The following MIAT variants were observed in gnomAD, a reference collection of about 807,000 sequenced individuals.
MIAT encodes the protein MI related novel mRNA.
At chr22:26,668,143 T>A (rs554216569) in intron 5 of MIAT, 2 of 398,642 alleles carry the variant, frequency 5.0e-6, no homozygotes, top group East Asian at 7.1e-5. Context: ...CCTCACTCGC[T>A]GTCTTCTCCC....
chr22:26,670,980 G>T (rs1278035895), downstream of MIAT: 12 of 398,134 alleles, frequency 3.0e-5, no homozygotes, highest in African/African-American at 2.1e-4. Context: ...TTTTCTAATG[G>T]TGGGAGGGCA....
chr22:26,666,122 G>C, exon 4 of MIAT: 2 of 398,626 alleles, frequency 5.0e-6, no homozygotes, highest in Non-Finnish European at 8.8e-6. Context: ...CCCACTCCCG[G>C]GTGCTGACAG....
At chr22:26,659,025 G>A (rs35778551) in intron 2 of MIAT, among the ~76,000 whole-genome samples, 28,120 of 152,102 alleles carry the variant, frequency 0.18, 2,708 homozygotes, top group East Asian at 0.24. Context: ...ACCTGAGGAC[G>A]GTGGTTCTCA....
At chr22:26,670,504 C>T (rs1931003749), downstream of MIAT, 3 of 385,744 alleles carry the variant, frequency 7.8e-6, no homozygotes, top group African/African-American at 6.4e-5. Flanking sequence ...CAAGCTGTAC[C>T]AAACAGGGCC....
intron 2 of MIAT, among the ~76,000 whole-genome samples, chr22:26,661,602 CAG>C (rs1930664442): frequency 6.6e-6 from 1 of 152,028 alleles, no homozygotes; most frequent in South Asian, 2.1e-4. Context: ...GAAACAGGCT[CAG>C]AGAGGTGAAG....
downstream of MIAT, chr22:26,674,254 C>T (rs1415630814): frequency 1.0e-5 from 4 of 398,456 alleles, no homozygotes; most frequent in East Asian, 7.1e-5. Flanking sequence ...TTAGCTGCAC[C>T]GAGGAAACGG....
intron 2 of MIAT, chr22:26,658,393 T>C (rs1448976836): frequency 6.6e-6 from 1 of 152,190 alleles, no homozygotes; most frequent in Non-Finnish European, 1.5e-5. Flanking sequence ...GAGAGGGTTA[T>C]CGACACCTCC....
chr22:26,663,607 G>A (rs1930745266), intron 3 of MIAT: 1 of 384,076 alleles, frequency 2.6e-6, no homozygotes, highest in African/African-American at 2.1e-5. Flanking sequence ...GTGGCCTAGT[G>A]AAAGCTGAGA....
intron 2 of MIAT, among the ~76,000 whole-genome samples, chr22:26,655,691 A>G (rs991191430): frequency 6.6e-5 from 10 of 152,182 alleles, no homozygotes; most frequent in African/African-American, 2.4e-4. Context: ...TCTGGTTCTG[A>G]AGGTCGCTGG....
intron 2 of MIAT, among the ~76,000 whole-genome samples, chr22:26,662,633 G>A (rs1930714573): frequency 1.3e-5 from 2 of 152,182 alleles, no homozygotes; most frequent in African/African-American, 4.8e-5. Context: ...TGCGAGGCGC[G>A]TGGCACATTT....
chr22:26,648,335 G>A (rs1427118698), intron 2 of MIAT, among the ~76,000 whole-genome samples: 4 of 152,208 alleles, frequency 2.6e-5, no homozygotes, highest in Non-Finnish European at 4.4e-5. Context: ...AGAAGCAGCA[G>A]GGATGGAGAC....
chr22:26,672,612 C>CT, downstream of MIAT: 7 of 399,206 alleles, frequency 1.8e-5, no homozygotes, highest in East Asian at 3.6e-5. Flanking sequence ...GAAGAATCCT[C>CT]TCCATTGTTA....
chr22:26,671,105 T>G (rs938985263), downstream of MIAT: 1 of 398,258 alleles, frequency 2.5e-6, no homozygotes, highest in South Asian at 1.3e-4. Context: ...TCTGTCAGAG[T>G]GTAACAGGAT....
intron 2 of MIAT, among the ~76,000 whole-genome samples, chr22:26,648,762 G>A (rs1353773955): frequency 6.6e-6 from 1 of 152,190 alleles, no homozygotes; most frequent in African/African-American, 2.4e-5. Context: ...TCTGTGGACT[G>A]GACTTGATAT....
exon 5 of MIAT, chr22:26,667,302 G>A (rs913880809): frequency 1.3e-5 from 5 of 397,270 alleles, no homozygotes; most frequent in Non-Finnish European, 2.2e-5. Context: ...TTACAGTCTC[G>A]GCAAGGGGGT....
At chr22:26,652,853 G>A (rs139169400) in intron 2 of MIAT, among the ~76,000 whole-genome samples, 2 of 152,288 alleles carry the variant, frequency 1.3e-5, no homozygotes, top group African/African-American at 4.8e-5. Context: ...GTGGTATCAT[G>A]CAGAGCAGGA....
exon 5 of MIAT, chr22:26,675,600 C>G (rs1931233010): frequency 5.0e-6 from 2 of 398,510 alleles, no homozygotes; most frequent in Admixed American, 4.4e-5. Flanking sequence ...GGAAGTATCT[C>G]TGCAATGACT....
chr22:26,656,471 C>G (rs573498988), intron 2 of MIAT, among the ~76,000 whole-genome samples: 34 of 150,754 alleles, frequency 2.3e-4, no homozygotes, highest in African/African-American at 8.3e-4. Context: ...ATTACAGGCA[C>G]CCGCCACCAC....
chr22:26,663,560 T>C, intron 3 of MIAT: 4 of 391,404 alleles, frequency 1.0e-5, no homozygotes, highest in Non-Finnish European at 1.8e-5. Flanking sequence ...CAATCGTGGC[T>C]TTCCCGACTG....
Sources: gnomAD v4.1 joint callset for allele counts (sites outside exome capture counted in the v4.1 genomes callset) on GRCh38, gnomAD v4.1.1 for gene constraint, MANE v1.5 for transcripts, NCBI Gene and HGNC (gene_info 2026-07-23, HGNC 2026-07-21) for gene names.